MRPL1: variants seen among roughly 807,000 people sequenced by gnomAD.
MRPL1 encodes large ribosomal subunit protein uL1m.
In MRPL1, 28 loss-of-function variants were observed where a neutral mutation model predicts 38.0. The ratio of observed to expected loss-of-function variants is 0.74; its 90% CI spans 0.55 to 1.01. The LOEUF (loss-of-function observed/expected upper bound fraction) is 1.01, where lower values mean the gene tolerates loss of function less well. Among genes scored for constraint, MRPL1 ranks in the 50% least tolerant of loss-of-function variants. The pLI is 0.00. For missense variants in MRPL1, 358 were observed against 389.8 expected, an observed-to-expected ratio of 0.92 and a Z score of 0.69; for synonymous variants, 123 against 126.7, an observed-to-expected ratio of 0.97 and a Z score of 0.20.
At chr4:77,901,639 T>C (rs976072488) in intron 6 of MRPL1, among the ~76,000 whole-genome samples, 1 of 152,140 alleles carries the variant, frequency 6.6e-6, no homozygotes, top group East Asian at 1.9e-4. Context: ...CAATGATTAT[T>C]ATTAGAGAAA....
At chr4:77,936,852 C>T (rs1024658165) in intron 7 of MRPL1, among the ~76,000 whole-genome samples, 15 of 152,194 alleles carry the variant, frequency 9.9e-5, no homozygotes, top group East Asian at 1.9e-4. Context: ...AGACAAGGTA[C>T]GATGGCTCAT....
intron 1 of MRPL1, among the ~76,000 whole-genome samples, chr4:77,864,154 G>T (rs541363007): frequency 6.6e-6 from 1 of 152,106 alleles, no homozygotes; most frequent in East Asian, 1.9e-4. Context: ...GAGGTTGAAG[G>T]CATCTTCATG....
At chr4:77,909,574 CCA>C (rs1234575015) in intron 7 of MRPL1, among the ~76,000 whole-genome samples, 1 of 152,068 alleles carries the variant, frequency 6.6e-6, no homozygotes, top group Non-Finnish European at 1.5e-5. Flanking sequence ...AGAATTTCTT[CCA>C]GAGTTATGTG....
At chr4:77,893,990 G>GTA (rs1486972635) in intron 5 of MRPL1, 149 bp from the exon 6 acceptor site, 1 of 571,818 alleles carries the variant, frequency 1.7e-6, no homozygotes, top group African/African-American at 2.0e-5. Context: ...TAATTGACAG[G>GTA]TGTATTTGTA....
intron 7 of MRPL1, among the ~76,000 whole-genome samples, chr4:77,920,638 C>T (rs1736546919): frequency 6.6e-6 from 1 of 152,166 alleles, no homozygotes; most frequent in South Asian, 2.1e-4. Context: ...AATACAAACA[C>T]AGGAAGTCTG....
intron 6 of MRPL1, chr4:77,907,283 C>A: frequency 3.6e-6 from 2 of 555,574 alleles, no homozygotes; most frequent in Non-Finnish European, 4.6e-6. Context: ...ATGACTAAAT[C>A]TTAGGAGAGA....
intron 6 of MRPL1, among the ~76,000 whole-genome samples, chr4:77,898,257 C>CT (rs1360454521): frequency 4.0e-5 from 6 of 151,752 alleles, no homozygotes; most frequent in Non-Finnish European, 8.8e-5. Context: ...CTCTTAGCAT[C>CT]TTTTTTTTGT....
chr4:77,930,024 A>C (rs1214688081), intron 7 of MRPL1, among the ~76,000 whole-genome samples: 8 of 152,190 alleles, frequency 5.3e-5, no homozygotes, highest in Non-Finnish European at 1.2e-4. Flanking sequence ...AAAAGTAAAT[A>C]ATAGCAGGTT....
intron 4 of MRPL1, among the ~76,000 whole-genome samples, chr4:77,886,991 A>T (rs575740267): frequency 6.6e-6 from 1 of 151,644 alleles, no homozygotes; most frequent in Non-Finnish European, 1.5e-5. Context: ...CAGTTTTGCC[A>T]TGTTGGCCAG....
chr4:77,906,375 G>A (rs1185619536), intron 6 of MRPL1, among the ~76,000 whole-genome samples: 2 of 149,820 alleles, frequency 1.3e-5, no homozygotes, highest in Non-Finnish European at 3.0e-5. Context: ...TTTTTTTTTT[G>A]AGAACTTACA....
At chr4:77,918,372 C>G (rs1736473649) in intron 7 of MRPL1, among the ~76,000 whole-genome samples, 1 of 152,104 alleles carries the variant, frequency 6.6e-6, no homozygotes, top group South Asian at 2.1e-4. Flanking sequence ...ACAGGATTAT[C>G]CAGGGATCAA....
chr4:77,888,861 C>T (rs936296487), intron 5 of MRPL1, among the ~76,000 whole-genome samples: 7 of 152,244 alleles, frequency 4.6e-5, no homozygotes, highest in South Asian at 2.1e-4. Flanking sequence ...ATCCCTCCCC[C>T]GTCCCCTACT....
At chr4:77,870,531 A>G (rs1735257391) in intron 1 of MRPL1, among the ~76,000 whole-genome samples, 1 of 152,212 alleles carries the variant, frequency 6.6e-6, no homozygotes, top group African/African-American at 2.4e-5. Flanking sequence ...TCTCATGTAT[A>G]TGTGTGTGTA....
At chr4:77,901,420 T>C (rs1281501255) in intron 6 of MRPL1, among the ~76,000 whole-genome samples, 7 of 151,282 alleles carry the variant, frequency 4.6e-5, no homozygotes, top group South Asian at 2.1e-4. Flanking sequence ...TAAATAGTTA[T>C]GATAATTGGA....
rs570478044 is a variant in MRPL1, at chr4:77,890,289, C to T, written c.558+2998C>T. The stretch of plus-strand genomic sequence containing the variant: ...TCAAAAAGCTAAAGCTTATCCACCA[C>T]GATCAAGTGGGCTTCATCCCTGGGA... On this transcript the variant is annotated intron_variant, in intron 5 of 8. Coordinates refer to ENST00000315567, the MANE Select transcript of MRPL1 (RefSeq NM_020236.4). Among the ~76,000 whole-genome samples the T allele has an allele frequency of 2.0e-5, 3 of 152,224 alleles. No individual in the cohort carries two copies. The South Asian group carries it at 6.2e-4, about 32-fold the overall frequency.
intron 7 of MRPL1, among the ~76,000 whole-genome samples, chr4:77,927,236 T>C (rs1280528746): frequency 1.3e-5 from 2 of 152,204 alleles, no homozygotes; most frequent in African/African-American, 4.8e-5. Flanking sequence ...ATAAAAAATA[T>C]TGCCTGGTAG....
chr4:77,866,915 T>C lies in MRPL1; in HGVS notation c.31+4036T>C, dbSNP rs143003081. Among the ~76,000 whole-genome samples, 157 of 152,102 alleles carry C rather than the reference T, an allele frequency of 1.0e-3. 4 individuals are homozygous for C. In the East Asian group the frequency reaches 0.028, roughly 27 times the overall value. ...GGCGCCTGTCACAACGGCCAGCTAA[T>C]TTTTGTATTTTTAGTAGAGATGGGG... On this transcript the variant is annotated intron_variant, in intron 1 of 8. Transcript: ENST00000315567.
chr4:77,891,917 T>C (rs1735815309), intron 5 of MRPL1, among the ~76,000 whole-genome samples: 1 of 152,216 alleles, frequency 6.6e-6, no homozygotes, highest in Non-Finnish European at 1.5e-5. Context: ...TAAGGCATCA[T>C]AGGATAAGTT....
rs575370391 is a variant in MRPL1, at chr4:77,875,659, A to C, written c.143+3804A>C. ...AGATTGAGACTCTGCCAAAAACAAA[A>C]AAAAAAAGAATTTTGCAGGGGAATT... On this transcript the variant is annotated intron_variant, in intron 2 of 8. Transcript: ENST00000315567. Among the ~76,000 whole-genome samples the C allele has an allele frequency of 6.8e-4, 104 of 151,922 alleles. 1 individual carries two copies. Among genetic ancestry groups the C allele is most frequent in the African/African-American group, 2.2e-3 (90 of 41,430 alleles).
Sources: gnomAD v4.1 joint callset for allele counts (sites outside exome capture counted in the v4.1 genomes callset) on GRCh38, gnomAD v4.1.1 for gene constraint, MANE v1.5 for transcripts, NCBI Gene and HGNC (gene_info 2026-07-23, HGNC 2026-07-21) for gene names.